The following ABCC10 variants were observed in gnomAD, a reference collection of about 807,000 sequenced individuals.
The protein encoded by ABCC10 is ATP-binding cassette sub-family C member 10.
ABCC10 carries 110 observed loss-of-function variants against 143.2 expected under a neutral mutation model. The observed-to-expected ratio is 0.77, with a 90% confidence interval of 0.66 to 0.90. The LOEUF is 0.90. Ranked by LOEUF, ABCC10 falls within the 40% of genes least tolerant of loss-of-function variation. The pLI is 0.00. For synonymous variants in ABCC10, 805 were observed against 846.7 expected (o/e 0.95, Z 0.85); for missense variants, 1,700 against 1,900.5 (o/e 0.89, Z 1.96).
chr6:43,441,192 A>G (rs1309992110), intron 8 of ABCC10, among the ~76,000 whole-genome samples: 5 of 152,170 alleles, frequency 3.3e-5, no homozygotes, highest in African/African-American at 4.8e-5. Flanking sequence ...AAGACAGGGT[A>G]ATAGGCCAGG....
chr6:43,438,937 C>A (rs1349872259), intron 8 of ABCC10, 142 bp downstream of exon 8: 1 of 1,025,576 alleles, frequency 9.8e-7, no homozygotes, highest in East Asian at 2.5e-5. Context: ...GACTGTGGTC[C>A]TCCCAGAGTG....
chr6:43,432,510 T>G lies in ABCC10; in HGVS notation c.530T>G (p.Leu177Arg), dbSNP rs768329810. ...GPMARLCLLI[L>R]QLAALLAYAL... is the part of the protein sequence containing the mutation. ...ATGGCCCGCCTATGCTTGCTCATCC[T>G]GCAGCTGGCTGCACTCTTGGCCTAT... Residue 177 changes from leucine to arginine, a missense_variant, in exon 3 of 22, where the codon CTG becomes CGG. By Grantham distance (102) the Leu-to-Arg change is moderately radical. Coordinates refer to ENST00000372530, the MANE Select transcript of ABCC10 (RefSeq NM_001198934.2). The G allele has an allele frequency of 1.9e-6, 3 of 1,612,144 alleles. No individual in the cohort carries two copies. Among genetic ancestry groups the G allele is most frequent in the Non-Finnish European group, 2.5e-6 (3 of 1,180,034 alleles).
rs565323514 is a variant in ABCC10, at chr6:43,439,007, T to C, written c.2127+212T>C. Among the ~76,000 whole-genome samples the C allele has an allele frequency of 3.9e-5, 6 of 152,272 alleles. No homozygotes were observed. In the East Asian group the frequency reaches 5.8e-4, roughly 15 times the overall value. On this transcript the variant is annotated intron_variant, in intron 8 of 21. Transcript: ENST00000372530. ...GGTGACTGTGTGTTCTGCACAGTTG[T>C]GGGAAGAGCCCTAAGGCCTCTGGAG...
chr6:43,431,522 G>C (rs1781118071), intron 2 of ABCC10, among the ~76,000 whole-genome samples: 1 of 151,944 alleles, frequency 6.6e-6, no homozygotes, highest in South Asian at 2.1e-4. Context: ...CACCATGCCT[G>C]GCTAATTTTT....
In ABCC10 at chr6:43,432,742, G is replaced by A; in HGVS notation, c.762G>A (p.Leu254=). 1 of 1,614,158 alleles carries A rather than the reference G, an allele frequency of 6.2e-7. No individual in the cohort carries two copies. Among genetic ancestry groups the A allele is most frequent in the Non-Finnish European group, 8.5e-7 (1 of 1,180,026 alleles). Residue 254 remains leucine (L), a synonymous_variant, in exon 3 of 22, where the codon CTG becomes CTA. Transcript: ENST00000372530. Reference sequence around the variant, plus strand: ...ACATTTGCCGCCTCCCCCACAGACTGCAGCCAACCTACCTGGCTCGTGTCT... The same window carrying A: ...ACATTTGCCGCCTCCCCCACAGACTACAGCCAACCTACCTGGCTCGTGTCT... The part of the protein sequence containing the change: ...PQDICRLPHR[L]QPTYLARVFQ...
In ABCC10 at chr6:43,437,984, G is replaced by T. The variant is rs771063341; in HGVS notation, c.1926G>T (p.Leu642=). The T allele has an allele frequency of 6.2e-7, 1 of 1,613,132 alleles. No homozygotes were observed. The highest frequency in any genetic ancestry group is 2.2e-5 in the East Asian group (1 of 44,882). Residue 642 remains leucine, a synonymous_variant, in exon 7 of 22, where the codon CTG becomes CTT. Transcript: ENST00000372530. ...VGKVGCGKSS[L]LAAIAGELHR... ...AGGTCGGCTGTGGGAAGAGCTCCCT[G>T]CTGGCTGCCATCGCTGGAGAGCTCC...
downstream of ABCC10, chr6:43,450,580 G>A (rs969752620): frequency 1.3e-5 from 20 of 1,581,474 alleles, no homozygotes; most frequent in Admixed American, 1.7e-5. The surrounding 1 kb of genome is among the most constrained non-coding windows in gnomAD (Gnocchi z 4.5). Context: ...GGCAAGTCAC[G>A]TGGCAGGGGG....
intron 18 of ABCC10, chr6:43,448,144 G>A (rs1185916890): frequency 1.6e-5 from 13 of 807,412 alleles, no homozygotes; most frequent in East Asian, 2.7e-5. Flanking sequence ...GGTCTTCCTC[G>A]CCCTGACCCA....
chr6:43,443,182 G>T lies in ABCC10; in HGVS notation c.2416+23G>T, dbSNP rs1196036811. 6.4e-7 allele frequency: 1 copy of T among 1,561,146 alleles called. No homozygotes were observed. The highest frequency in any genetic ancestry group is 8.6e-7 in the Non-Finnish European group (1 of 1,160,644). On this transcript the variant is annotated intron_variant, in intron 10 of 21. Transcript: ENST00000372530. The surrounding 1 kb of genome is among the most constrained non-coding windows in gnomAD (Gnocchi z 4.2). ...CTGGTAATGGGGGCAGGAGCCCCGT[G>T]TGAGGGAGGTGTCTGCCCAGGTCTG...
At chr6:43,451,788 A>G, downstream of ABCC10, 1 of 1,417,066 alleles carries the variant, frequency 7.1e-7, no homozygotes, top group Non-Finnish European at 9.2e-7. The surrounding 1 kb of genome is among the most constrained non-coding windows in gnomAD (Gnocchi z 4.4). Context: ...ACCCTGAACT[A>G]GGAACACTTT....
downstream of ABCC10, chr6:43,451,020 C>T: frequency 6.2e-7 from 1 of 1,614,122 alleles, no homozygotes; most frequent in Non-Finnish European, 8.5e-7. The surrounding 1 kb of genome is among the most constrained non-coding windows in gnomAD (Gnocchi z 4.4). Context: ...ACAGCGGGCC[C>T]CTCTCTGGCA....
intron 3 of ABCC10, 174 bp from the exon 4 acceptor site, chr6:43,434,447 G>T: frequency 1.6e-6 from 1 of 617,316 alleles, no homozygotes; most frequent in Non-Finnish European, 2.8e-6. Context: ...GGATTTGAAG[G>T]GCAGGATTTC....
intron 2 of ABCC10, 43 bp from the exon 3 acceptor site, chr6:43,432,099 A>G (rs700008): frequency 0.89 from 1,418,239 of 1,599,254 alleles, 629,577 homozygotes; most frequent in East Asian, 0.94. Flanking sequence ...CTGGCTCCTG[A>G]GTCAGCCACG....
chr6:43,428,228 G>A (rs762922307), intron 2 of ABCC10, 89 bp downstream of exon 2: 144 of 1,373,548 alleles, frequency 1.0e-4, no homozygotes, highest in Middle Eastern at 7.8e-4. Context: ...CACCAGAATA[G>A]CGAGGTCTCT....
chr6:43,439,764 A>C (rs1397446113), intron 8 of ABCC10, among the ~76,000 whole-genome samples: 1 of 151,882 alleles, frequency 6.6e-6, no homozygotes, highest in Non-Finnish European at 1.5e-5. Flanking sequence ...TTGTATTTCT[A>C]GTAGAAACAG....
At chr6:43,438,938 TC>T in intron 8 of ABCC10, 143 bp downstream of exon 8, 1 of 996,240 alleles carries the variant, frequency 1.0e-6, no homozygotes, top group Non-Finnish European at 1.5e-6. Flanking sequence ...ACTGTGGTCC[TC>T]CCAGAGTGTC....
chr6:43,434,891 A>G (rs779410470), intron 4 of ABCC10, 43 bp downstream of exon 4: 49 of 1,585,950 alleles, frequency 3.1e-5, no homozygotes, highest in Non-Finnish European at 4.2e-5. Flanking sequence ...AGGAGACTTC[A>G]GCGAAGTGAA....
intron 14 of ABCC10, 107 bp downstream of exon 14, chr6:43,445,421 G>A: frequency 1.4e-6 from 2 of 1,401,268 alleles, no homozygotes; most frequent in Non-Finnish European, 1.9e-6. Flanking sequence ...TCCTGCCCTG[G>A]GATATTCTTC....
Position 43,444,898 on chromosome 6 carries a change from T to C in ABCC10, c.2800T>C (p.Phe934Leu). 2 of 1,613,938 alleles carry C rather than the reference T, an allele frequency of 1.2e-6. No homozygotes were observed. Among genetic ancestry groups the C allele is most frequent in the Non-Finnish European group, 1.7e-6 (2 of 1,179,900 alleles). The stretch of plus-strand genomic sequence containing the variant: ...CACCAGCCCAGCTTCTATGGGGCTC[T>C]TCTCTCCGCAGCTGCTCCTCTTTTC... ...PSTSPASMGL[F>L]SPQLLLFSPG... The change falls in exon 13 of 22, where the codon TTC (phenylalanine) becomes CTC (leucine). Residue 934 changes from phenylalanine (F) to leucine (L), a missense_variant. Coordinates refer to ENST00000372530, the MANE Select transcript of ABCC10 (RefSeq NM_001198934.2).
Sources: gnomAD v4.1 joint callset for allele counts (sites outside exome capture counted in the v4.1 genomes callset) on GRCh38, gnomAD v4.1.1 for gene constraint, Gnocchi (gnomAD v3.1) non-coding constraint, MANE v1.5 for transcripts, NCBI Gene and HGNC (gene_info 2026-07-23, HGNC 2026-07-21) for gene names.